CBLN2: variants seen among roughly 807,000 people sequenced by gnomAD.
The protein encoded by CBLN2 is cerebellin 2 precursor, also known as cerebellin-2.
Under a neutral mutation model 15.0 loss-of-function variants are expected in CBLN2, and 7 were observed. The ratio of observed to expected loss-of-function variants is 0.47; its 90% CI spans 0.27 to 0.88. The LOEUF (loss-of-function observed/expected upper bound fraction) is 0.88. Ranked by LOEUF, CBLN2 falls within the 40% of genes least tolerant of loss-of-function variation. The pLI, the probability that CBLN2 is intolerant of heterozygous loss-of-function variation, is 0.14. For missense variants in CBLN2, 242 were observed against 304.5 expected (o/e 0.79, Z 1.53); for synonymous variants, 149 against 135.2 (o/e 1.10, Z -0.71).
intron 3 of CBLN2, among the ~76,000 whole-genome samples, chr18:72,541,521 T>C (rs931920306): frequency 1.3e-5 from 2 of 152,188 alleles, no homozygotes; most frequent in African/African-American, 4.8e-5. Flanking sequence ...TTCAAATCTT[T>C]AGGTTTACGG....
chr18:72,554,602 A>G (rs991402632), intron 1 of CBLN2, among the ~76,000 whole-genome samples: 1 of 152,036 alleles, frequency 6.6e-6, no homozygotes, highest in South Asian at 2.1e-4. Context: ...AGTGGTTCAT[A>G]TTAAATAATT....
At chr18:72,549,574 G>A (rs543120209) in intron 1 of CBLN2, among the ~76,000 whole-genome samples, 3 of 152,258 alleles carry the variant, frequency 2.0e-5, no homozygotes, top group African/African-American at 7.2e-5. Context: ...TTTTTCATTA[G>A]CATCTGGTGT....
At chr18:72,552,857 T>C (rs1188424684) in intron 1 of CBLN2, among the ~76,000 whole-genome samples, 3 of 152,106 alleles carry the variant, frequency 2.0e-5, no homozygotes, top group South Asian at 2.1e-4. Context: ...CTTTGGGAAA[T>C]AGTAGGAGAA....
intron 1 of CBLN2, among the ~76,000 whole-genome samples, chr18:72,628,703 G>A (rs562612803): frequency 6.6e-5 from 10 of 152,268 alleles, no homozygotes; most frequent in African/African-American, 1.4e-4. Flanking sequence ...ACATTTCGTC[G>A]TCCCCTACAG....
chr18:72,570,175 C>G (rs1045735547), intron 1 of CBLN2, among the ~76,000 whole-genome samples: 2 of 151,940 alleles, frequency 1.3e-5, no homozygotes, highest in East Asian at 3.9e-4. Context: ...CTGATCGATA[C>G]TTAACCTTAT....
At chr18:72,603,608 T>C (rs1172234697) in intron 1 of CBLN2, among the ~76,000 whole-genome samples, 1 of 152,204 alleles carries the variant, frequency 6.6e-6, no homozygotes, top group East Asian at 1.9e-4. Flanking sequence ...TTCCTTTTCA[T>C]AGAATGTGCC....
intron 1 of CBLN2, among the ~76,000 whole-genome samples, chr18:72,621,664 A>G (rs2069701509): frequency 6.6e-6 from 1 of 152,146 alleles, no homozygotes; most frequent in Non-Finnish European, 1.5e-5. Flanking sequence ...GGTCATTTCC[A>G]GATATTGTTT....
intron 1 of CBLN2, among the ~76,000 whole-genome samples, chr18:72,571,909 A>C (rs1269273731): frequency 2.0e-5 from 3 of 152,340 alleles, no homozygotes; most frequent in African/African-American, 7.2e-5. Flanking sequence ...TATCAAAACC[A>C]GGAATAACCT....
intron 1 of CBLN2, among the ~76,000 whole-genome samples, chr18:72,613,050 C>T (rs751731566): frequency 3.3e-5 from 5 of 152,166 alleles, no homozygotes; most frequent in Admixed American, 6.5e-5. Flanking sequence ...GGAAGCATCA[C>T]CCTGATCTGT....
At chr18:72,619,131 G>A (rs1177455537) in intron 1 of CBLN2, 2 of 739,810 alleles carry the variant, frequency 2.7e-6, no homozygotes, top group Non-Finnish European at 4.9e-6. Flanking sequence ...CCCCTATGGT[G>A]GTGGAAGCCA....
intron 1 of CBLN2, among the ~76,000 whole-genome samples, chr18:72,622,850 G>A (rs547917386): frequency 6.6e-6 from 1 of 152,224 alleles, no homozygotes; most frequent in South Asian, 2.1e-4. Flanking sequence ...TATCGTCTTT[G>A]AGCTATGTTC....
intron 1 of CBLN2, among the ~76,000 whole-genome samples, chr18:72,601,717 A>T (rs1232469961): frequency 1.3e-5 from 2 of 151,810 alleles, no homozygotes; most frequent in African/African-American, 4.8e-5. Flanking sequence ...CAGCGTCCCC[A>T]CCCCATTTTG....
At chr18:72,613,146 A>T (rs1450090800) in intron 1 of CBLN2, among the ~76,000 whole-genome samples, 3 of 151,930 alleles carry the variant, frequency 2.0e-5, no homozygotes, top group Non-Finnish European at 4.4e-5. Context: ...GGCCCATCTT[A>T]CTCCACTATT....
intron 3 of CBLN2, chr18:72,539,551 G>A (rs1172153575): frequency 6.6e-6 from 1 of 152,252 alleles, no homozygotes; most frequent in African/African-American, 2.4e-5. Context: ...GACATCCTTA[G>A]CTTAAGCTAA....
chr18:72,615,487 G>T (rs930743799), intron 1 of CBLN2, among the ~76,000 whole-genome samples: 3 of 151,584 alleles, frequency 2.0e-5, no homozygotes, highest in African/African-American at 7.3e-5. Flanking sequence ...TGTTGGTCAG[G>T]CTGGTCTCAA....
chr18:72,617,946 T>C lies in CBLN2; in HGVS notation c.15+20379A>G, dbSNP rs1040095964. 7.2e-5 allele frequency among the ~76,000 whole-genome samples: 11 copies of C among 152,004 alleles called. No homozygotes were observed. In the South Asian group the frequency reaches 1.2e-3, roughly 17 times the overall value. ...TATTCCAGAACGAGAAAAAGAAAAT[T>C]ATAGGAAAAAAAATTAAATGGAAGA... On this transcript the variant is annotated intron_variant, in intron 1 of 2. Transcript: ENST00000581073.
intron 1 of CBLN2, among the ~76,000 whole-genome samples, chr18:72,561,064 G>A (rs2069257804): frequency 6.6e-6 from 1 of 151,764 alleles, no homozygotes. Context: ...TGTGAATAAT[G>A]TTGTGATAGG....
chr18:72,619,637 A>G (rs1056608497), intron 1 of CBLN2, among the ~76,000 whole-genome samples: 1 of 152,168 alleles, frequency 6.6e-6, no homozygotes, highest in Non-Finnish European at 1.5e-5. Context: ...GTAACCTTCT[A>G]TGGTTTGTAC....
At chr18:72,611,008 C>A (rs1044121689) in intron 1 of CBLN2, among the ~76,000 whole-genome samples, 1 of 152,130 alleles carries the variant, frequency 6.6e-6, no homozygotes, top group Non-Finnish European at 1.5e-5. Context: ...TTTTCTGTTT[C>A]TGTGTTAATT....
Sources: gnomAD v4.1 joint callset for allele counts (sites outside exome capture counted in the v4.1 genomes callset) on GRCh38, gnomAD v4.1.1 for gene constraint, MANE v1.5 for transcripts, NCBI Gene and HGNC (gene_info 2026-07-23, HGNC 2026-07-21) for gene names.